HCN1: variants seen among roughly 807,000 people sequenced by gnomAD.
HCN1 encodes hyperpolarization activated cyclic nucleotide gated potassium channel 1, also known as potassium/sodium hyperpolarization-activated cyclic nucleotide-gated channel 1.
HCN1 carries 13 observed loss-of-function variants against 78.9 expected under a neutral mutation model. That is an observed-to-expected ratio of 0.16 (90% CI 0.11 to 0.26). The LOEUF (loss-of-function observed/expected upper bound fraction) is 0.26, where lower values mean the gene tolerates loss of function less well. Ranked by LOEUF, HCN1 falls within the 10% of genes least tolerant of loss-of-function variation. The pLI is 1.00. For synonymous variants in HCN1, 552 were observed against 455.5 expected, an observed-to-expected ratio of 1.21 and a Z score of -2.70; for missense variants, 810 against 1,154.3, an observed-to-expected ratio of 0.70 and a Z score of 4.32.
intron 1 of HCN1, among the ~76,000 whole-genome samples, chr5:45,656,696 T>C (rs536177503): frequency 2.0e-5 from 3 of 152,332 alleles, no homozygotes; most frequent in South Asian, 4.1e-4. Context: ...AATTAAAATG[T>C]AGGCTCATGA....
At chr5:45,535,522 T>C (rs945668113) in intron 2 of HCN1, among the ~76,000 whole-genome samples, 5 of 151,946 alleles carry the variant, frequency 3.3e-5, no homozygotes, top group African/African-American at 1.2e-4. Context: ...CGCTTGAACC[T>C]GGGAGGTGGA....
intron 5 of HCN1, among the ~76,000 whole-genome samples, chr5:45,308,292 T>A (rs1745778327): frequency 6.6e-6 from 1 of 152,102 alleles, no homozygotes; most frequent in South Asian, 2.1e-4. Flanking sequence ...AATAAATTTC[T>A]TTATAAATAA....
In HCN1 at chr5:45,392,445, T is replaced by A. The variant is rs113072421; in HGVS notation, c.1230+4047A>T. ...GGTATGATTACATAAAATTGAATCATTTTATATAGGTGGATAATGATTACA... is the reference window on the plus strand; with the variant it reads ...GGTATGATTACATAAAATTGAATCAATTTATATAGGTGGATAATGATTACA... On this transcript the variant is annotated intron_variant, in intron 4 of 7. Coordinates refer to ENST00000303230, the MANE Select transcript of HCN1 (RefSeq NM_021072.4). Among the ~76,000 whole-genome samples, 7 of 152,286 alleles carry A rather than the reference T, an allele frequency of 4.6e-5. 1 individual carries two copies. The highest frequency in any genetic ancestry group is 1.7e-4 in the African/African-American group (7 of 41,572).
At chr5:45,584,344 A>C (rs1350721059) in intron 2 of HCN1, among the ~76,000 whole-genome samples, 2 of 152,008 alleles carry the variant, frequency 1.3e-5, no homozygotes, top group Admixed American at 1.3e-4. Flanking sequence ...ACAGACTAGG[A>C]TTGCAACCCC....
Position 45,435,104 on chromosome 5 carries a change from A to G in HCN1, c.1011+26742T>C, listed in dbSNP as rs186280019. Among the ~76,000 whole-genome samples the G allele has an allele frequency of 3.2e-4, 48 of 152,170 alleles. 1 individual carries two copies. The East Asian group carries it at 7.1e-3, about 23-fold the overall frequency. On this transcript the variant is annotated intron_variant, in intron 3 of 7. Transcript: ENST00000303230. ...TTGTCAAAAAGAAAACATCTAACTA[A>G]TTTAAGGTATATTTTACAGTACAGT...
At chr5:45,568,628 A>AT (rs1743763336) in intron 2 of HCN1, among the ~76,000 whole-genome samples, 1 of 151,986 alleles carries the variant, frequency 6.6e-6, no homozygotes, top group African/African-American at 2.4e-5. Context: ...AAAATCAATC[A>AT]TTTTTTATTC....
intron 3 of HCN1, among the ~76,000 whole-genome samples, chr5:45,454,507 A>T (rs1465103332): frequency 1.1e-4 from 17 of 152,004 alleles, no homozygotes; most frequent in Admixed American, 3.3e-4. Context: ...AAATAAAAAA[A>T]AATAAAATCT....
intron 2 of HCN1, among the ~76,000 whole-genome samples, chr5:45,629,966 A>G (rs2112009396): frequency 6.6e-6 from 1 of 152,268 alleles, no homozygotes; most frequent in South Asian, 2.1e-4. Flanking sequence ...TACAAAAAGT[A>G]AGTAAAATAA....
chr5:45,332,313 A>C (rs1222877384), intron 5 of HCN1, among the ~76,000 whole-genome samples: 1 of 151,496 alleles, frequency 6.6e-6, no homozygotes, highest in African/African-American at 2.4e-5. Context: ...ATCCTCAAGG[A>C]TTTATCCTTC....
rs6884634 is a variant in HCN1, at chr5:45,468,033, G to T, written c.850-6026C>A. On this transcript the variant is annotated intron_variant, in intron 2 of 7. Coordinates refer to ENST00000303230, the MANE Select transcript of HCN1 (RefSeq NM_021072.4). ...TGTACACATTTCCAGGAGGCACAAA[G>T]CAAAATTTGATTTCCAGAAGGACAG... 1.0e-3 allele frequency among the ~76,000 whole-genome samples: 158 copies of T among 152,094 alleles called. 2 individuals carry two copies. The highest frequency in any genetic ancestry group is 6.8e-3 in the Middle Eastern group (2 of 294).
intron 5 of HCN1, among the ~76,000 whole-genome samples, chr5:45,322,567 A>C: frequency 6.6e-6 from 1 of 151,860 alleles, no homozygotes; most frequent in African/African-American, 2.4e-5. Context: ...AACTCTGAAC[A>C]TGAGATTCAT....
At chr5:45,426,835 GCTAAA>G (rs747663035) in intron 3 of HCN1, among the ~76,000 whole-genome samples, 7 of 152,166 alleles carry the variant, frequency 4.6e-5, no homozygotes, top group East Asian at 1.9e-4. Context: ...CCAATTGCCT[GCTAAA>G]CTAAAGGAAA....
chr5:45,612,370 T>C (rs1331345003), intron 2 of HCN1, among the ~76,000 whole-genome samples: 2 of 152,192 alleles, frequency 1.3e-5, no homozygotes, highest in African/African-American at 4.8e-5. Flanking sequence ...CTAAGTCTCT[T>C]GGAGGCAAGG....
At chr5:45,593,381 A>C (rs1649035722) in intron 2 of HCN1, among the ~76,000 whole-genome samples, 1 of 149,806 alleles carries the variant, frequency 6.7e-6, no homozygotes, top group East Asian at 2.0e-4. Context: ...CCCCACATGT[A>C]AGATGCAGGA....
chr5:45,519,809 A>AT (rs533217954), intron 2 of HCN1, among the ~76,000 whole-genome samples: 3,577 of 147,164 alleles, frequency 0.024, 77 homozygotes, highest in Middle Eastern at 0.075. Context: ...TTTAAAATGT[A>AT]TTTTTTTTTT....
At chr5:45,394,338 G>C (rs553327068) in intron 4 of HCN1, among the ~76,000 whole-genome samples, 2 of 152,064 alleles carry the variant, frequency 1.3e-5, no homozygotes, top group Non-Finnish European at 2.9e-5. Flanking sequence ...ATATAGGAGG[G>C]CCAGCATTCC....
chr5:45,665,274 C>A (rs36142983), intron 1 of HCN1, among the ~76,000 whole-genome samples: 8 of 130,946 alleles, frequency 6.1e-5, no homozygotes, highest in Non-Finnish European at 1.2e-4. Flanking sequence ...CAGGAAGGGG[C>A]ACATCACACT....
intron 2 of HCN1, among the ~76,000 whole-genome samples, chr5:45,498,098 C>T (rs535634129): frequency 2.2e-4 from 34 of 152,118 alleles, no homozygotes; most frequent in African/African-American, 6.3e-4. Flanking sequence ...ATCTTTGTGG[C>T]GTTCTCTTTA....
intron 4 of HCN1, among the ~76,000 whole-genome samples, chr5:45,372,115 T>TTA (rs1377811791): frequency 7.8e-5 from 4 of 51,450 alleles, no homozygotes; most frequent in African/African-American, 4.3e-4. Flanking sequence ...TATAATATAA[T>TTA]TATATATTAT....
Sources: allele counts gnomAD v4.1 joint callset (sites outside exome capture counted in the v4.1 genomes callset), GRCh38; gene constraint gnomAD v4.1.1; transcripts MANE v1.5; gene names NCBI Gene and HGNC (gene_info 2026-07-23, HGNC 2026-07-21).